Variants in CNTLN observed in about 807,000 individuals in gnomAD.
CNTLN encodes centlein, also known as centlein, centrosomal protein.
A neutral mutation model predicts 180.0 loss-of-function variants in CNTLN; 212 were observed. That is an observed-to-expected ratio of 1.18 (90% confidence interval 1.05 to 1.32). The LOEUF (loss-of-function observed/expected upper bound fraction) is 1.32, where lower values mean the gene tolerates loss of function less well. Among genes scored for constraint, CNTLN ranks in the 40% most tolerant of loss-of-function variants. The pLI, the probability that CNTLN is intolerant of heterozygous loss-of-function variation, is 0.00. For synonymous variants in CNTLN, 722 were observed against 563.1 expected (o/e 1.28, Z -3.99); for missense variants, 2,095 against 1,610.9 (o/e 1.30, Z -5.14).
chr9:17,438,447 T>G (rs1285619367), intron 18 of CNTLN, among the ~76,000 whole-genome samples: 1 of 152,130 alleles, frequency 6.6e-6, no homozygotes, highest in African/African-American at 2.4e-5. Context: ...TTTTTCAGGT[T>G]TTTAACAAAG....
intron 25 of CNTLN, among the ~76,000 whole-genome samples, chr9:17,501,643 G>C (rs73641967): frequency 0.042 from 6,405 of 152,304 alleles, 460 homozygotes; most frequent in African/African-American, 0.15. Context: ...AGGGAAGGGG[G>C]CTGGGCATGC....
chr9:17,421,877 G>T (rs1195172851), intron 18 of CNTLN, among the ~76,000 whole-genome samples: 1 of 152,068 alleles, frequency 6.6e-6, no homozygotes, highest in Non-Finnish European at 1.5e-5. Flanking sequence ...ATTTTAACTT[G>T]ATCCAATCCC....
intron 2 of CNTLN, among the ~76,000 whole-genome samples, chr9:17,219,052 CTT>C (rs1184344703): frequency 6.6e-6 from 1 of 152,090 alleles, no homozygotes; most frequent in East Asian, 1.9e-4. Flanking sequence ...GGGAAGTACT[CTT>C]GGGAAAAATG....
chr9:17,291,727 C>G (rs188764945), intron 6 of CNTLN, among the ~76,000 whole-genome samples: 3 of 152,276 alleles, frequency 2.0e-5, no homozygotes, highest in Non-Finnish European at 4.4e-5. Flanking sequence ...TCTCTTAAAT[C>G]CAGCACGTTG....
At position 17,172,202 on chromosome 9, in the gene CNTLN, TG is replaced by T. The variant is rs75278748; in HGVS notation, c.449+28827del. The stretch of plus-strand genomic sequence containing the variant: ...CTCTGAGGAGCAGGTTGCTGGAGTT[TG>T]TACCTATGAACACTAAGGAGACAAA... On this transcript the variant is annotated intron_variant, in intron 2 of 25. Coordinates refer to ENST00000380647, the MANE Select transcript of CNTLN (RefSeq NM_017738.4). Among the ~76,000 whole-genome samples, 2,765 of 151,976 alleles carry T rather than the reference TG, an allele frequency of 0.018. 170 individuals carry two copies. In the East Asian group the frequency reaches 0.23, roughly 13 times the overall value.
At chr9:17,520,903 A>G in the CNTLN span, among the ~76,000 whole-genome samples, 2 of 152,146 alleles carry the variant, frequency 1.3e-5, no homozygotes, top group South Asian at 2.1e-4. Flanking sequence ...TGAGTAGCCT[A>G]TTTTGTCTTC....
Position 17,299,404 on chromosome 9 carries a change from T to C in CNTLN, c.1146+1052T>C, listed in dbSNP as rs901630034. ...CTTAGAGAGGTTAAATAATACACAG[T>C]TCATATTATCCCTCTAGAATTACTG... On this transcript the variant is annotated intron_variant, in intron 7 of 25. Coordinates refer to ENST00000380647, the MANE Select transcript of CNTLN (RefSeq NM_017738.4). 4.2e-6 allele frequency: 4 copies of C among 947,980 alleles called. No homozygotes were observed. In the African/African-American group the frequency reaches 7.1e-5, roughly 17 times the overall value. 58.7% of individuals were successfully genotyped at this position (947,980 alleles called of 1,614,324 possible).
chr9:17,153,759 G>C (rs933657876), intron 2 of CNTLN, among the ~76,000 whole-genome samples: 1 of 152,102 alleles, frequency 6.6e-6, no homozygotes, highest in African/African-American at 2.4e-5. Flanking sequence ...TTTCCAACTC[G>C]GTTCCATTCT....
chr9:17,248,696 C>G (rs1206787826), intron 5 of CNTLN, among the ~76,000 whole-genome samples: 3 of 150,762 alleles, frequency 2.0e-5, no homozygotes, highest in African/African-American at 7.3e-5. Flanking sequence ...AATAAAATGG[C>G]AGCTTCCTTA....
At chr9:17,237,798 G>A (rs936084901) in intron 5 of CNTLN, among the ~76,000 whole-genome samples, 12 of 151,958 alleles carry the variant, frequency 7.9e-5, no homozygotes, top group African/African-American at 2.9e-4. Context: ...AGGGGAGAAG[G>A]ATACATCTTT....
rs115729185 is a variant in CNTLN at position 17,360,473 on chromosome 9, G to T, written c.1887-6144G>T. Among the ~76,000 whole-genome samples the T allele has an allele frequency of 2.8e-3, 425 of 152,202 alleles. 1 individual carries two copies. Among genetic ancestry groups the T allele is most frequent in the African/African-American group, 9.8e-3 (408 of 41,514 alleles). On this transcript the variant is annotated intron_variant, in intron 12 of 25. Coordinates refer to ENST00000380647, the MANE Select transcript of CNTLN (RefSeq NM_017738.4). ...AGGATTTTGATTGAAGACAGGCTAG[G>T]GTGATCAGATACAGCCTAGGGGGTG...
intron 18 of CNTLN, among the ~76,000 whole-genome samples, chr9:17,426,831 C>G (rs554314501): frequency 2.6e-5 from 4 of 151,864 alleles, no homozygotes; most frequent in East Asian, 1.9e-4. Context: ...TTCCTTGAAC[C>G]CTGTCTTTGG....
intron 5 of CNTLN, among the ~76,000 whole-genome samples, chr9:17,267,688 G>A (rs576262022): frequency 4.1e-4 from 63 of 152,154 alleles, no homozygotes; most frequent in Non-Finnish European, 8.8e-4. Flanking sequence ...ATCAGACGTA[G>A]ATTTGGTCTT....
At chr9:17,150,949 T>G (rs1413598074) in intron 2 of CNTLN, among the ~76,000 whole-genome samples, 1 of 152,172 alleles carries the variant, frequency 6.6e-6, no homozygotes, top group Non-Finnish European at 1.5e-5. Flanking sequence ...TGGCTGTTTG[T>G]CTGTTATTGG....
chr9:17,355,048 T>A (rs1386144148), intron 12 of CNTLN, among the ~76,000 whole-genome samples: 3 of 151,202 alleles, frequency 2.0e-5, no homozygotes, highest in Non-Finnish European at 4.4e-5. Context: ...AGGAAGAAAC[T>A]CGGAACACAT....
At chr9:17,258,745 G>A (rs1431998648) in intron 5 of CNTLN, among the ~76,000 whole-genome samples, 1 of 146,186 alleles carries the variant, frequency 6.8e-6, no homozygotes, top group Non-Finnish European at 1.5e-5. Context: ...AGTTGTGAAT[G>A]TGAGTTCACT....
rs549828855 is a variant in CNTLN at position 17,432,779 on chromosome 9, G to C, written c.3114+16590G>C. Among the ~76,000 whole-genome samples, 29 of 152,224 alleles carry C rather than the reference G, an allele frequency of 1.9e-4. No homozygotes were observed. In the South Asian group the frequency reaches 5.8e-3, roughly 30 times the overall value. On this transcript the variant is annotated intron_variant, in intron 18 of 25. Coordinates refer to ENST00000380647, the MANE Select transcript of CNTLN (RefSeq NM_017738.4). ...TCATGCCTGTAATCTCAGCACTTTG[G>C]AAGGCAGAGGTGGGCAGATCACCTG...
At chr9:17,356,574 A>G (rs1029689060) in intron 12 of CNTLN, among the ~76,000 whole-genome samples, 3 of 152,180 alleles carry the variant, frequency 2.0e-5, no homozygotes, top group Non-Finnish European at 4.4e-5. Flanking sequence ...AAAATAATAT[A>G]TGGGAAAATG....
chr9:17,416,880 A>G (rs1828293958), intron 18 of CNTLN, among the ~76,000 whole-genome samples: 1 of 151,224 alleles, frequency 6.6e-6, no homozygotes, highest in Non-Finnish European at 1.5e-5. Context: ...GCACAGAAAA[A>G]TTTATTTCAT....
Sources: allele counts gnomAD v4.1 joint callset (sites outside exome capture counted in the v4.1 genomes callset), GRCh38; gene constraint gnomAD v4.1.1; transcripts MANE v1.5; gene names NCBI Gene and HGNC (gene_info 2026-07-23, HGNC 2026-07-21).